The following TRAPPC5 variants were observed in gnomAD, a reference collection of about 807,000 sequenced individuals.
TRAPPC5 encodes the protein trafficking protein particle complex subunit 5, also known as trafficking protein particle complex 5.
TRAPPC5 carries 5 observed loss-of-function variants against 9.8 expected under a neutral mutation model. That is an observed-to-expected ratio of 0.51 (90% confidence interval 0.27 to 1.07). TRAPPC5 has a LOEUF of 1.07. TRAPPC5 is among the 50% of genes least tolerant of loss of function. The probability of loss-of-function intolerance (pLI) is 0.12; values close to 1 mark genes in which losing one functional copy is unlikely to be tolerated. For synonymous variants in TRAPPC5, 146 were observed against 140.7 expected (o/e 1.04, Z -0.26); for missense variants, 243 against 291.5 (o/e 0.83, Z 1.21).
rs1334675371 is a variant in TRAPPC5, at chr19:7,682,311, C to A, written c.58C>A (p.Pro20Thr). ...GCTGCTGGAGCGCGCGCTGGCGCGG[C>A]CGCGCACCGAGGTGAGCCTGAGCGC... ...SALLERALAR[P>T]RTEVSLSAFA... is the part of the protein sequence containing the mutation. Residue 20 changes from proline (P) to threonine (T), a missense_variant, in exon 2 of 2, where the codon CCG (proline) becomes ACG (threonine). Coordinates refer to ENST00000596148, the MANE Select transcript of TRAPPC5 (RefSeq NM_001042462.2). This position sits in a 1 kb window ranked among gnomAD's most constrained non-coding sequence, Gnocchi z 8.6. 1.3e-6 allele frequency: 2 copies of A among 1,504,076 alleles called. No homozygotes were observed. The highest frequency in any genetic ancestry group is 2.6e-5 in the East Asian group (1 of 39,162). The allele number at this position is 1,504,076 out of a possible 1,614,324, so 93.2% of individuals were successfully genotyped here.
In TRAPPC5 at chr19:7,682,587, GC is replaced by G. The variant is rs1183086383; in HGVS notation, c.335del (p.Ala112GlyfsTer60). The G allele has an allele frequency of 6.2e-7, 1 of 1,612,386 alleles. No homozygotes were observed. The highest frequency in any genetic ancestry group is 8.5e-7 in the Non-Finnish European group (1 of 1,179,994). On this transcript the variant is annotated frameshift_variant, in exon 2 of 2. Transcript: ENST00000596148. LOFTEE classifies it high-confidence loss of function. This position sits in a 1 kb window ranked among gnomAD's most constrained non-coding sequence, Gnocchi z 8.6. Reference sequence around the variant, plus strand: ...CAAGCTGGAGCAGGCCAACGATGACGCGCGCACCTTCTACATCATCGAGCGC... The same window carrying G: ...CAAGCTGGAGCAGGCCAACGATGACGGCGCACCTTCTACATCATCGAGCGC... ...ADKLEQANDD[A>X]RTFYIIEREP...
At position 7,682,201 on chromosome 19, in the gene TRAPPC5, C is replaced by T; in HGVS notation, c.-12-41C>T. 1 of 1,361,828 alleles carries T rather than the reference C, an allele frequency of 7.3e-7. No homozygotes were observed. Among genetic ancestry groups the T allele is most frequent in the East Asian group, 3.0e-5 (1 of 33,530 alleles). 84.4% of individuals were successfully genotyped at this position (1,361,828 alleles called of 1,614,324 possible). On this transcript the variant is annotated intron_variant, in intron 1 of 1. Coordinates refer to ENST00000596148, the MANE Select transcript of TRAPPC5 (RefSeq NM_001042462.2). The surrounding 1 kb of genome is among the most constrained non-coding windows in gnomAD (Gnocchi z 8.6). ...CCTTTCCTCCCGGCCTGCTCCCCTT[C>T]CCATTGCCCCTGACACCTGCACTTC... is the stretch of plus-strand genomic sequence containing the variant.
At position 7,682,362 on chromosome 19, in the gene TRAPPC5, G is replaced by C. The variant is rs959097848; in HGVS notation, c.109G>C (p.Val37Leu). Reference protein sequence around the residue: ...SAFALLFSELVQHCQSRVFSV... With the variant: ...SAFALLFSELLQHCQSRVFSV... ...CTTCGCACTGCTGTTCTCCGAGCTG[G>C]TACAGCACTGCCAGAGCCGCGTCTT... Residue 37 changes from valine (V) to leucine (L), a missense_variant, in exon 2 of 2, where the codon GTA (valine) becomes CTA (leucine). Physicochemically the swap from Val to Leu is conservative, Grantham distance 32. Transcript: ENST00000596148. The surrounding 1 kb of genome is among the most constrained non-coding windows in gnomAD (Gnocchi z 8.6). The C allele has an allele frequency of 6.4e-7, 1 of 1,565,776 alleles. No homozygotes were observed. Among genetic ancestry groups the C allele is most frequent in the African/African-American group, 1.4e-5 (1 of 73,508 alleles).
rs1425374902 is a variant in TRAPPC5, at chr19:7,682,147, G to T, written c.-12-95G>T. On this transcript the variant is annotated intron_variant, in intron 1 of 1. Transcript: ENST00000596148. This position sits in a 1 kb window ranked among gnomAD's most constrained non-coding sequence, Gnocchi z 8.6. ...CACACAACAGTGGCATGGGTCGAGGGTGTCCCAGGGCCCCTCGCGGTTCTC... is the reference window on the plus strand; with the variant it reads ...CACACAACAGTGGCATGGGTCGAGGTTGTCCCAGGGCCCCTCGCGGTTCTC... The T allele has an allele frequency of 9.6e-7, 1 of 1,046,188 alleles. No homozygotes were observed. 64.8% of individuals were successfully genotyped at this position (1,046,188 alleles called of 1,614,324 possible).
chr19:7,682,337 C>A lies in TRAPPC5; in HGVS notation c.84C>A (p.Ala28=). 1 of 1,553,136 alleles carries A rather than the reference C, an allele frequency of 6.4e-7. No individual in the cohort carries two copies. The highest frequency in any genetic ancestry group is 2.0e-5 in the Admixed American group (1 of 49,956). The part of the protein sequence containing the change: ...ARPRTEVSLS[A]FALLFSELVQ... ...CGCGCACCGAGGTGAGCCTGAGCGC[C>A]TTCGCACTGCTGTTCTCCGAGCTGG... is the stretch of plus-strand genomic sequence containing the variant. The change falls in exon 2 of 2, where the codon GCC becomes GCA. Residue 28 remains alanine (A), a synonymous_variant. Coordinates refer to ENST00000596148, the MANE Select transcript of TRAPPC5 (RefSeq NM_001042462.2). This position sits in a 1 kb window ranked among gnomAD's most constrained non-coding sequence, Gnocchi z 8.6.
rs2032653719 is a variant in TRAPPC5, at chr19:7,682,371, TGCCAGA to T, written c.122_127del (p.Gln41_Ser42del). ...GCTGTTCTCCGAGCTGGTACAGCAC[TGCCAGA>T]GCCGCGTCTTCTCCGTGGCCGAGCT... On this transcript the variant is annotated inframe_deletion, in exon 2 of 2. Transcript: ENST00000596148. The surrounding 1 kb of genome is among the most constrained non-coding windows in gnomAD (Gnocchi z 8.6). The T allele has an allele frequency of 6.4e-7, 1 of 1,567,406 alleles. No homozygotes were observed. The highest frequency in any genetic ancestry group is 1.2e-5 in the South Asian group (1 of 86,090).
rs1345964017 is a variant in TRAPPC5 at position 7,684,692 on chromosome 19, G to A, written c.*1872G>A. 1 of 152,220 alleles carries A rather than the reference G, an allele frequency of 6.6e-6. No individual in the cohort carries two copies. Among genetic ancestry groups the A allele is most frequent in the Non-Finnish European group, 1.5e-5 (1 of 68,048 alleles). 9.4% of individuals were successfully genotyped at this position (152,220 alleles called of 1,614,324 possible). On this transcript the variant is annotated 3_prime_UTR_variant, in exon 2 of 2. Transcript: ENST00000596148. ...GTCTCTACTAAAAATACAAAAATTA[G>A]CTGGGCATGGAGGTGCATTCCTGTA...
chr19:7,683,738 C>T lies in TRAPPC5; in HGVS notation c.*918C>T, dbSNP rs546284462. ...CTTCGGCTCACTGCAAGCTCCGCCT[C>T]CCGGGTTCATGTCATTCTCCTGCCC... On this transcript the variant is annotated 3_prime_UTR_variant, in exon 2 of 2. Coordinates refer to ENST00000596148, the MANE Select transcript of TRAPPC5 (RefSeq NM_001042462.2). The T allele has an allele frequency of 6.6e-6, 1 of 152,216 alleles. No homozygotes were observed. The highest frequency in any genetic ancestry group is 1.9e-4 in the East Asian group (1 of 5,168). 9.4% of individuals were successfully genotyped at this position (152,216 alleles called of 1,614,324 possible).
Position 7,682,917 on chromosome 19 carries a change from C to G in TRAPPC5, c.*97C>G. 7.3e-7 allele frequency: 1 copy of G among 1,362,952 alleles called. No individual in the cohort carries two copies. The highest frequency in any genetic ancestry group is 1.5e-5 in the South Asian group (1 of 68,022). 84.4% of individuals were successfully genotyped at this position (1,362,952 alleles called of 1,614,324 possible). A position where few individuals can be genotyped will look rare whatever the true frequency, so the allele number is the denominator to read the frequency against. The stretch of plus-strand genomic sequence containing the variant: ...TCCACTCAGTACCTTGAGCCACAGC[C>G]CTGCCCCAGGCTGGGGAGGGAGGCC... On this transcript the variant is annotated 3_prime_UTR_variant, in exon 2 of 2. Coordinates refer to ENST00000596148, the MANE Select transcript of TRAPPC5 (RefSeq NM_001042462.2). The surrounding 1 kb of genome is among the most constrained non-coding windows in gnomAD (Gnocchi z 8.6).
In TRAPPC5 at chr19:7,685,058, G is replaced by A. The variant is rs2032700860; in HGVS notation, c.*2238G>A. The A allele has an allele frequency of 6.6e-6, 1 of 152,088 alleles. No individual in the cohort carries two copies. The highest frequency in any genetic ancestry group is 1.5e-5 in the Non-Finnish European group (1 of 68,018). 9.4% of individuals were successfully genotyped at this position (152,088 alleles called of 1,614,324 possible). ...GGCCGAGGTGGGCAGATCACTTGAG[G>A]CCGGAAGTTTGAGACCAACCTGGTC... On this transcript the variant is annotated 3_prime_UTR_variant, in exon 2 of 2. Coordinates refer to ENST00000596148, the MANE Select transcript of TRAPPC5 (RefSeq NM_001042462.2).
chr19:7,682,579 A>G lies in TRAPPC5; in HGVS notation c.326A>G (p.Asn109Ser), dbSNP rs1202159236. 1.2e-6 allele frequency: 2 copies of G among 1,612,630 alleles called. No individual in the cohort carries two copies. Among genetic ancestry groups the G allele is most frequent in the Non-Finnish European group, 1.7e-6 (2 of 1,179,988 alleles). ...GAGGCGGACAAGCTGGAGCAGGCCA[A>G]CGATGACGCGCGCACCTTCTACATC... ...GKEADKLEQA[N>S]DDARTFYIIE... The change falls in exon 2 of 2, where the codon AAC becomes AGC. Residue 109 changes from asparagine to serine, a missense_variant. Asn to Ser is a conservative substitution (Grantham distance 46). Transcript: ENST00000596148. This position sits in a 1 kb window ranked among gnomAD's most constrained non-coding sequence, Gnocchi z 8.6.
In TRAPPC5 at chr19:7,685,373, A is replaced by G. The variant is rs192873688; in HGVS notation, c.*2553A>G. ...ATAACTCCTCCTCTCCCCCAAGGAA[A>G]GTTCTTCCAGATTTTTTGGGGGAAC... On this transcript the variant is annotated 3_prime_UTR_variant, in exon 2 of 2. Transcript: ENST00000596148. The G allele has an allele frequency of 2.0e-5, 3 of 152,216 alleles. No individual in the cohort carries two copies. 9.4% of individuals were successfully genotyped at this position (152,216 alleles called of 1,614,324 possible).
Position 7,685,639 on chromosome 19 carries a change from G to A in TRAPPC5, c.*2819G>A, listed in dbSNP as rs1159180012. ...CATCCTAGCAAGAGGCATTGAGCAG[G>A]GTGGGCTTCAGCACACTGGGGAGAA... On this transcript the variant is annotated 3_prime_UTR_variant, in exon 2 of 2. Transcript: ENST00000596148. 2.0e-5 allele frequency: 3 copies of A among 152,402 alleles called. No homozygotes were observed. The highest frequency in any genetic ancestry group is 7.2e-5 in the African/African-American group (3 of 41,424). The allele number at this position is 152,402 out of a possible 1,614,324, so 9.4% of individuals were successfully genotyped here. A position where few individuals can be genotyped will look rare whatever the true frequency, so the allele number is the denominator to read the frequency against.
In TRAPPC5 at chr19:7,681,097, A is replaced by C. The variant is rs1050199789; in HGVS notation, c.-13+219A>C. 2 of 152,080 alleles carry C rather than the reference A, an allele frequency of 1.3e-5. No homozygotes were observed. The highest frequency in any genetic ancestry group is 4.8e-5 in the African/African-American group (2 of 41,354). 9.4% of individuals were successfully genotyped at this position (152,080 alleles called of 1,614,324 possible). On this transcript the variant is annotated intron_variant, in intron 1 of 1. Coordinates refer to ENST00000596148, the MANE Select transcript of TRAPPC5 (RefSeq NM_001042462.2). The surrounding 1 kb of genome is among the most constrained non-coding windows in gnomAD (Gnocchi z 8.7). ...CCCTGACCCTACGGCAGTTCAGCTC[A>C]CTTCAGCCCCCATCGCAGCCCGGTG...
rs59554542 is a variant in TRAPPC5, at chr19:7,685,890, T to A, written c.*3070T>A. On this transcript the variant is annotated 3_prime_UTR_variant, in exon 2 of 2. Transcript: ENST00000596148. ...AGTTCTGGAGGGAGGTCTGGGCGTC[T>A]GCACAGACACAGAAACCACAGTCCT... 0.31 allele frequency: 47,069 copies of A among 151,850 alleles called. 9,114 individuals carry two copies. Among genetic ancestry groups the A allele is most frequent in the African/African-American group, 0.55 (22,860 of 41,314 alleles). 9.4% of individuals were successfully genotyped at this position (151,850 alleles called of 1,614,324 possible). A position where few individuals can be genotyped will look rare whatever the true frequency, so the allele number is the denominator to read the frequency against.
chr19:7,680,984 C>T (rs2146257237), intron 1 of TRAPPC5, 106 bp downstream of exon 1: 1 of 152,124 alleles, frequency 6.6e-6, no homozygotes, highest in Non-Finnish European at 1.5e-5. Context: ...TCCGCGATCC[C>T]GAGCCCGCTC....
In TRAPPC5 at chr19:7,682,466, G is replaced by A. The variant is rs1461187623; in HGVS notation, c.213G>A (p.Ala71=). 2.5e-6 allele frequency: 4 copies of A among 1,609,686 alleles called. No homozygotes were observed. The highest frequency in any genetic ancestry group is 1.7e-5 in the Admixed American group (1 of 59,754). ...CGCGCGTGCTGGATGCGCTGGTGGCGCGCGAAAAGGGTGCCCGGCGTGAGA... is the reference window on the plus strand; with the variant it reads ...CGCGCGTGCTGGATGCGCTGGTGGCACGCGAAAAGGGTGCCCGGCGTGAGA... The part of the protein sequence containing the change: ...VGARVLDALV[A]REKGARRETK... Residue 71 remains alanine, a synonymous_variant, in exon 2 of 2, where the codon GCG becomes GCA. Transcript: ENST00000596148. This position sits in a 1 kb window ranked among gnomAD's most constrained non-coding sequence, Gnocchi z 8.6.
rs928917047 is a variant in TRAPPC5, at chr19:7,687,092, T to A, written c.*4272T>A. ...GTGCGCAGCTGGCTTTGGCCTTTTA[T>A]CTGAGCTGGAGGAAACTTCTGGAAA... On this transcript the variant is annotated 3_prime_UTR_variant, in exon 2 of 2. Transcript: ENST00000596148. The A allele has an allele frequency of 6.6e-6, 1 of 152,330 alleles. No individual in the cohort carries two copies. The highest frequency in any genetic ancestry group is 1.5e-5 in the Non-Finnish European group (1 of 68,154). 9.4% of individuals were successfully genotyped at this position (152,330 alleles called of 1,614,324 possible). A position where few individuals can be genotyped will look rare whatever the true frequency, so the allele number is the denominator to read the frequency against.
At position 7,682,330 on chromosome 19, in the gene TRAPPC5, T is replaced by C; in HGVS notation, c.77T>C (p.Leu26Pro). 1 of 1,542,662 alleles carries C rather than the reference T, an allele frequency of 6.5e-7. No individual in the cohort carries two copies. Among genetic ancestry groups the C allele is most frequent in the Non-Finnish European group, 8.7e-7 (1 of 1,148,350 alleles). Reference sequence around the variant, plus strand: ...GCGCGGCCGCGCACCGAGGTGAGCCTGAGCGCCTTCGCACTGCTGTTCTCC... The same window carrying C: ...GCGCGGCCGCGCACCGAGGTGAGCCCGAGCGCCTTCGCACTGCTGTTCTCC... ...ALARPRTEVS[L>P]SAFALLFSEL... The change falls in exon 2 of 2, where the codon CTG becomes CCG. Residue 26 changes from leucine (L) to proline (P), a missense_variant. Transcript: ENST00000596148. The surrounding 1 kb of genome is among the most constrained non-coding windows in gnomAD (Gnocchi z 8.6).
Sources: gnomAD v4.1 joint callset for allele counts on GRCh38, gnomAD v4.1.1 for gene constraint, Gnocchi (gnomAD v3.1) non-coding constraint, MANE v1.5 for transcripts, NCBI Gene and HGNC (gene_info 2026-07-23, HGNC 2026-07-21) for gene names.